Variants in CHL1 observed in about 807,000 individuals in gnomAD.
CHL1 encodes neural cell adhesion molecule L1-like protein.
Under a neutral mutation model 141.9 loss-of-function variants are expected in CHL1, and 96 were observed. That is an observed-to-expected ratio of 0.68 (90% CI 0.57 to 0.80). The LOEUF (loss-of-function observed/expected upper bound fraction) is 0.80, where lower values mean the gene tolerates loss of function less well. CHL1 is among the 30% of genes least tolerant of loss of function. The pLI is 0.00. For missense variants in CHL1, 1,820 were observed against 1,457.2 expected (o/e 1.25, Z -4.05); for synonymous variants, 613 against 502.2 (o/e 1.22, Z -2.95).
Position 399,165 on chromosome 3 carries a change from A to G in CHL1, c.3385+17A>G. ...AGTACTCAGGTAAAATTGTTTCTTA[A>G]TGTGATTTTCAACTTATTAAAAAGC... On this transcript the variant is annotated intron_variant, in intron 26 of 27. Transcript: ENST00000256509. The G allele has an allele frequency of 1.3e-6, 2 of 1,597,104 alleles. No individual in the cohort carries two copies. Among genetic ancestry groups the G allele is most frequent in the Non-Finnish European group, 1.7e-6 (2 of 1,166,740 alleles).
chr3:363,372 T>A lies in CHL1; in HGVS notation c.1574T>A (p.Leu525Ter). The stretch of plus-strand genomic sequence containing the variant: ...GGAAAAACTGCAGTCACAGCCAATT[T>A]GGATATTAGAAGTATTTTTATTTCA... ...AIGKTAVTAN[L>*]DIRNATKLRV... Residue 525 changes from leucine (L) to a stop codon, truncating the protein, a stop_gained, in exon 14 of 28, where the codon TTG (leucine) becomes TAG (stop). Coordinates refer to ENST00000256509, the MANE Select transcript of CHL1 (RefSeq NM_006614.4). LOFTEE classifies it high-confidence loss of function. The A allele has an allele frequency of 6.2e-7, 1 of 1,610,592 alleles. No homozygotes were observed. Among genetic ancestry groups the A allele is most frequent in the South Asian group, 1.1e-5 (1 of 90,688 alleles).
At chr3:307,097 A>T (rs2124948327) in intron 2 of CHL1, among the ~76,000 whole-genome samples, 1 of 152,278 alleles carries the variant, frequency 6.6e-6, no homozygotes, top group East Asian at 1.9e-4. Flanking sequence ...TCATATTTGC[A>T]TCCTGACCTA....
In CHL1 at chr3:292,743, G is replaced by A. The variant is rs147707925; in HGVS notation, c.-94-26940G>A. 2.1e-3 allele frequency among the ~76,000 whole-genome samples: 322 copies of A among 152,296 alleles called. 2 individuals are homozygous for A. The highest frequency in any genetic ancestry group is 7.3e-3 in the African/African-American group (304 of 41,548). On this transcript the variant is annotated intron_variant, in intron 2 of 27. Transcript: ENST00000256509. ...TTTTACTCATGGTGGAAGGTGAAGC[G>A]GAAGCAGGCACGTCACATGGCCAGA...
chr3:251,143 G>T (rs1347921744), intron 2 of CHL1, among the ~76,000 whole-genome samples: 1 of 151,918 alleles, frequency 6.6e-6, no homozygotes, highest in Non-Finnish European at 1.5e-5. Context: ...GATCAGAGTT[G>T]AGAAGTAAAC....
At chr3:327,559 G>T (rs1361047832) in intron 4 of CHL1, among the ~76,000 whole-genome samples, 2 of 151,704 alleles carry the variant, frequency 1.3e-5, no homozygotes, top group East Asian at 1.9e-4. Context: ...AAATATATAG[G>T]GTTGTTTCTC....
At chr3:269,149 C>G (rs1300072580) in intron 2 of CHL1, among the ~76,000 whole-genome samples, 1 of 152,186 alleles carries the variant, frequency 6.6e-6, no homozygotes, top group Non-Finnish European at 1.5e-5. Flanking sequence ...CAACCAGCTG[C>G]TCGGCTTGTG....
chr3:372,940 T>C (rs762250329), intron 15 of CHL1, among the ~76,000 whole-genome samples: 4 of 152,046 alleles, frequency 2.6e-5, no homozygotes, highest in Non-Finnish European at 5.9e-5. Flanking sequence ...GAGATGTCAC[T>C]CAAGGAGGCT....
intron 1 of CHL1, among the ~76,000 whole-genome samples, chr3:240,968 A>T (rs918727124): frequency 6.6e-6 from 1 of 152,178 alleles, no homozygotes. Context: ...GCCTAGTTTT[A>T]TACAAGTACC....
intron 2 of CHL1, among the ~76,000 whole-genome samples, chr3:262,009 C>T (rs1694781606): frequency 2.5e-5 from 2 of 80,762 alleles, no homozygotes; most frequent in African/African-American, 4.7e-5. Context: ...AGGATTCACA[C>T]GTTTAAGCCT....
At chr3:277,560 C>T (rs1486586326) in intron 2 of CHL1, among the ~76,000 whole-genome samples, 3 of 152,164 alleles carry the variant, frequency 2.0e-5, no homozygotes, top group East Asian at 3.9e-4. Flanking sequence ...CAATTGCTTC[C>T]GTTTTAAACT....
chr3:270,664 G>A (rs1458914815), intron 2 of CHL1, among the ~76,000 whole-genome samples: 1 of 152,188 alleles, frequency 6.6e-6, no homozygotes, highest in Non-Finnish European at 1.5e-5. Context: ...TTTTGCTCAC[G>A]ATATTGTGGA....
Position 349,429 on chromosome 3 carries a change from T to C in CHL1, c.919T>C (p.Tyr307His). The C allele has an allele frequency of 6.2e-7, 1 of 1,613,870 alleles. No homozygotes were observed. Among genetic ancestry groups the C allele is most frequent in the Middle Eastern group, 1.7e-4 (1 of 6,060 alleles). Reference sequence around the variant, plus strand: ...AAAGGGGAGAGAAACAAAAGAAAATTATGGCAAGACTTTGAAGATAGAGAA... The same window carrying C: ...AAAGGGGAGAGAAACAAAAGAAAATCATGGCAAGACTTTGAAGATAGAGAA... ...LPKGRETKEN[Y>H]GKTLKIENVS... The change falls in exon 10 of 28, where the codon TAT becomes CAT. Residue 307 changes from tyrosine (Y) to histidine (H), a missense_variant. Tyr to His is a moderately conservative substitution (Grantham distance 83, BLOSUM62 2). Transcript: ENST00000256509.
chr3:319,984 T>C (rs1207401226), intron 3 of CHL1, 117 bp downstream of exon 3: 1 of 613,950 alleles, frequency 1.6e-6, no homozygotes, highest in African/African-American at 1.9e-5. Context: ...ATATATTCTT[T>C]AGCAATCTGT....
At chr3:365,049 C>T (rs1704696772) in intron 14 of CHL1, among the ~76,000 whole-genome samples, 2 of 152,118 alleles carry the variant, frequency 1.3e-5, no homozygotes, top group African/African-American at 2.4e-5. Flanking sequence ...CCTGGAATAA[C>T]AATTAATTTT....
In CHL1 at chr3:405,554, C is replaced by T. The variant is rs1205756863; in HGVS notation, c.3518C>T (p.Pro1173Leu). 8.1e-6 allele frequency: 13 copies of T among 1,613,348 alleles called. No individual in the cohort carries two copies. The highest frequency in any genetic ancestry group is 1.0e-5 in the Non-Finnish European group (12 of 1,179,516). ...SLRSLNRDMQ[P>L]TESADSLVEY... ...CGGTCCCTTAATAGGGATATGCAGC[C>T]TACTGAAAGTGCTGACAGCTTAGTC... The change falls in exon 28 of 28, where the codon CCT becomes CTT. Residue 1173 changes from proline to leucine, a missense_variant. Transcript: ENST00000256509.
chr3:261,946 C>T (rs9841455), intron 2 of CHL1, among the ~76,000 whole-genome samples: 28,899 of 145,624 alleles, frequency 0.2, 4,981 homozygotes, highest in African/African-American at 0.49. Context: ...ACACAGTACT[C>T]ACAGGGCAGG....
intron 1 of CHL1, among the ~76,000 whole-genome samples, chr3:232,173 G>A (rs911149062): frequency 1.3e-5 from 2 of 152,276 alleles, no homozygotes; most frequent in African/African-American, 2.4e-5. Flanking sequence ...ACTGTGAGGA[G>A]GCACCGGAGA....
chr3:361,650 T>A (rs765179694), intron 12 of CHL1, 49 bp from the exon 13 acceptor site: 6 of 1,291,904 alleles, frequency 4.6e-6, no homozygotes, highest in Admixed American at 1.7e-5. Flanking sequence ...AATTTGCATA[T>A]CTTTCTTCCA....
intron 1 of CHL1, among the ~76,000 whole-genome samples, chr3:225,417 A>T (rs562523920): frequency 1.6e-3 from 249 of 152,338 alleles, no homozygotes; most frequent in African/African-American, 5.7e-3. Context: ...AACATTTTGA[A>T]GTTTGAAAAT....
Sources: gnomAD v4.1 joint callset for allele counts (sites outside exome capture counted in the v4.1 genomes callset) on GRCh38, gnomAD v4.1.1 for gene constraint, MANE v1.5 for transcripts, NCBI Gene and HGNC (gene_info 2026-07-23, HGNC 2026-07-21) for gene names.